Variants in SON observed in about 807,000 individuals in gnomAD.
The protein encoded by SON is SON DNA and RNA binding protein.
SON carries 4 observed loss-of-function variants against 173.3 expected under a neutral mutation model. That is an observed-to-expected ratio of 0.02 (90% CI 0.01 to 0.05). The LOEUF (loss-of-function observed/expected upper bound fraction) is 0.05, where lower values mean the gene tolerates loss of function less well. Among genes scored for constraint, SON ranks in the 10% least tolerant of loss-of-function variants. The probability of loss-of-function intolerance (pLI) is 1.00; values close to 1 mark genes in which losing one functional copy is unlikely to be tolerated. For synonymous variants in SON, 1,190 were observed against 1,105.9 expected (o/e 1.08, Z -1.51); for missense variants, 2,626 against 3,055.3 (o/e 0.86, Z 3.31).
chr21:33,554,521 G>A lies in SON; in HGVS notation c.5290G>A (p.Asp1764Asn), dbSNP rs755409819. The change falls in exon 3 of 12, where the codon GAC (aspartate) becomes AAC (asparagine). Residue 1764 changes from aspartate to asparagine, a missense_variant. Physicochemically the swap from Asp to Asn is conservative, Grantham distance 23 (BLOSUM62 1). Transcript: ENST00000356577. The part of the protein sequence containing the change: ...GPLLASDVGR[D>N]RSAASPVVSS... ...TTTACTTGCAAGTGATGTTGGACGT[G>A]ACAGATCTGCTGCCAGCCCGGTTGT... The A allele has an allele frequency of 6.8e-6, 11 of 1,613,934 alleles. No individual in the cohort carries two copies. Among genetic ancestry groups the A allele is most frequent in the Admixed American group, 6.7e-5 (4 of 60,002 alleles).
Position 33,561,751 on chromosome 21 carries a change from TGAG to T in SON, c.6657+1980_6657+1982del, listed in dbSNP as rs1437436616. Among the ~76,000 whole-genome samples, 4 of 152,194 alleles carry T rather than the reference TGAG, an allele frequency of 2.6e-5. No homozygotes were observed. In the East Asian group the frequency reaches 7.7e-4, roughly 29 times the overall value. On this transcript the variant is annotated intron_variant, in intron 6 of 11. Transcript: ENST00000356577. ...AAGTTGTCAGATTTTAATTAAAGGT[TGAG>T]GAGAATTATTCTTAAATCTGGTGGG... is the stretch of plus-strand genomic sequence containing the variant.
In SON at chr21:33,559,503, T is replaced by C; in HGVS notation, c.6469-84T>C. 1 of 1,465,826 alleles carries C rather than the reference T, an allele frequency of 6.8e-7. No individual in the cohort carries two copies. The highest frequency in any genetic ancestry group is 9.2e-7 in the Non-Finnish European group (1 of 1,081,920). 90.8% of individuals were successfully genotyped at this position (1,465,826 alleles called of 1,614,324 possible). ...TGTGAGAAATAATGGATAATATCAT[T>C]TCCTTCAGATTATGTAGAAAATCTC... On this transcript the variant is annotated intron_variant, in intron 5 of 11. Transcript: ENST00000356577. The surrounding 1 kb of genome is among the most constrained non-coding windows in gnomAD (Gnocchi z 4.1).
At chr21:33,562,767 A>G (rs1287795258) in intron 6 of SON, among the ~76,000 whole-genome samples, 1 of 152,212 alleles carries the variant, frequency 6.6e-6, no homozygotes, top group East Asian at 1.9e-4. Context: ...CTAATATTTT[A>G]AAAATAGTCC....
rs753464324 is a variant in SON at position 33,576,536 on chromosome 21, T to C, written c.*112T>C. 5.1e-6 allele frequency: 4 copies of C among 789,610 alleles called. No homozygotes were observed. The highest frequency in any genetic ancestry group is 5.1e-5 in the African/African-American group (3 of 59,232). 48.9% of individuals were successfully genotyped at this position (789,610 alleles called of 1,614,324 possible). Reference sequence around the variant, plus strand: ...ATGGGCCTTGTACCAAAGGACCTCATGGCTAATGCCACTTGCTTCAGGAGT... The same window carrying C: ...ATGGGCCTTGTACCAAAGGACCTCACGGCTAATGCCACTTGCTTCAGGAGT... On this transcript the variant is annotated 3_prime_UTR_variant, in exon 12 of 12. Transcript: ENST00000356577.
intron 8 of SON, chr21:33,572,137 ACT>A (rs755858171): frequency 8.7e-5 from 13 of 149,352 alleles, no homozygotes; most frequent in African/African-American, 1.5e-4. Flanking sequence ...AAGTTTTTTT[ACT>A]CTCTCTGTTG....
At chr21:33,546,179 A>G in intron 1 of SON, 34 bp from the exon 2 acceptor site, 1 of 1,562,944 alleles carries the variant, frequency 6.4e-7, no homozygotes, top group Admixed American at 1.9e-5. Flanking sequence ...GTATGATAAA[A>G]TATTAATGAA....
intron 6 of SON, among the ~76,000 whole-genome samples, chr21:33,566,362 C>T (rs1006149235): frequency 2.0e-5 from 3 of 151,938 alleles, no homozygotes; most frequent in African/African-American, 7.2e-5. Flanking sequence ...TGTGGTTAAA[C>T]CTTCCACAAA....
chr21:33,556,982 A>G (rs2085979956), intron 3 of SON, among the ~76,000 whole-genome samples, 174 bp from the exon 4 acceptor site: 1 of 150,880 alleles, frequency 6.6e-6, no homozygotes, highest in Non-Finnish European at 1.5e-5. Flanking sequence ...GCTGTAACTT[A>G]GAGCAGAATA....
rs777099140 is a variant in SON at position 33,573,458 on chromosome 21, AAC to A, written c.7033+5_7033+6del. On this transcript the variant is annotated splice_donor_5th_base_variant and intron_variant, in intron 9 of 11. Transcript: ENST00000356577. ...TGATTTTAAGACAGACCGAAAAGGTAACAAGTTCTTTTTTGGAATGTTTATTA... is the reference window on the plus strand; with the variant it reads ...TGATTTTAAGACAGACCGAAAAGGTAAAGTTCTTTTTTGGAATGTTTATTA... 18 of 1,605,780 alleles carry A rather than the reference AAC, an allele frequency of 1.1e-5. No individual in the cohort carries two copies.
rs771474434 is a variant in SON at position 33,555,136 on chromosome 21, C to T, written c.5905C>T (p.Arg1969Cys). ...CAGCCGCCGCAGCCGCACCCCCAGCCGCCGCAGCCGCACCCCCAGCCGCCG... is the reference window on the plus strand; with the variant it reads ...CAGCCGCCGCAGCCGCACCCCCAGCTGCCGCAGCCGCACCCCCAGCCGCCG... ...TPSRRSRTPSRRSRTPSRRSR... is the reference protein window; with the variant it reads ...TPSRRSRTPSCRSRTPSRRSR... Residue 1969 changes from arginine to cysteine, a missense_variant, in exon 3 of 12, where the codon CGC (arginine) becomes TGC (cysteine). Around this residue, in one of 13 missense-constraint regions of SON, gnomAD observed 138 missense variants for 222.9 expected, o/e 0.62. Transcript: ENST00000356577. 9.5e-6 allele frequency: 14 copies of T among 1,472,740 alleles called. No homozygotes were observed. The highest frequency in any genetic ancestry group is 5.2e-5 in the South Asian group (4 of 76,526). The allele number at this position is 1,472,740 out of a possible 1,614,324, so 91.2% of individuals were successfully genotyped here.
chr21:33,566,693 G>C (rs368706246), intron 6 of SON, among the ~76,000 whole-genome samples: 1 of 152,238 alleles, frequency 6.6e-6, no homozygotes, highest in East Asian at 1.9e-4. Context: ...AGTGATCATA[G>C]TGGTTTTCTG....
intron 1 of SON, chr21:33,543,544 C>CT (rs2085521872): frequency 2.0e-5 from 2 of 99,362 alleles, no homozygotes; most frequent in African/African-American, 8.5e-4. Flanking sequence ...CTCCCCCTCT[C>CT]GCCTCCGCGG....
In SON at chr21:33,556,479, G is replaced by A. The variant is rs933570892; in HGVS notation, c.6161-677G>A. On this transcript the variant is annotated intron_variant, in intron 3 of 11. Transcript: ENST00000356577. ...TGTAATCCCAGCACTTTGGGAGGCCGAGGCAGGTGGATCACCTGAGGTCAG... is the reference window on the plus strand; with the variant it reads ...TGTAATCCCAGCACTTTGGGAGGCCAAGGCAGGTGGATCACCTGAGGTCAG... Among the ~76,000 whole-genome samples, 5 of 152,020 alleles carry A rather than the reference G, an allele frequency of 3.3e-5. No individual in the cohort carries two copies. In the East Asian group the frequency reaches 9.6e-4, roughly 29 times the overall value.
At chr21:33,575,558 G>A in intron 9 of SON, 38 bp from the exon 10 acceptor site, 1 of 1,501,758 alleles carries the variant, frequency 6.7e-7, no homozygotes, top group Non-Finnish European at 9.2e-7. Flanking sequence ...TTAAAGTGGT[G>A]CTTTGAAATT....
At position 33,553,227 on chromosome 21, in the gene SON, A is replaced by G. The variant is rs564121685; in HGVS notation, c.3996A>G (p.Pro1332=). The change falls in exon 3 of 12, where the codon CCA becomes CCG. Residue 1332 remains proline, a synonymous_variant. Transcript: ENST00000356577. ...ASEVSTSLLV[P]AVTTPVLAES... is the part of the protein sequence containing the mutation. The stretch of plus-strand genomic sequence containing the variant: ...AAGTATCTACATCCTTGTTGGTTCC[A>G]GCAGTAACTACTCCAGTGCTGGCAG... 6.2e-7 allele frequency: 1 copy of G among 1,614,186 alleles called. No homozygotes were observed. The highest frequency in any genetic ancestry group is 2.2e-5 in the East Asian group (1 of 44,890).
rs762300554 is a variant in SON, at chr21:33,550,463, C to T, written c.1232C>T (p.Thr411Ile). 1.7e-5 allele frequency: 28 copies of T among 1,613,894 alleles called. No homozygotes were observed. Among genetic ancestry groups the T allele is most frequent in the East Asian group, 2.2e-5 (1 of 44,876 alleles). ...PVLELPGPSA[T>I]PVPELPGPLS... ...CTGGAGTTACCTGGGCCCTCTGCTA[C>T]CCCGGTGCCAGAGTTGCCAGGGCCC... The change falls in exon 3 of 12, where the codon ACC (threonine) becomes ATC (isoleucine). Residue 411 changes from threonine to isoleucine, a missense_variant. This residue lies in a region of SON where 757 missense variants were observed against 730.1 expected (regional missense o/e 1.04). Transcript: ENST00000356577.
rs149343017 is a variant in SON at position 33,550,238 on chromosome 21, C to T, written c.1007C>T (p.Ala336Val). 555 of 1,614,246 alleles carry T rather than the reference C, an allele frequency of 3.4e-4. No individual in the cohort carries two copies. The African/African-American group carries it at 5.4e-3, about 16-fold the overall frequency. ...MDFPESSAIE[A>V]LRLPEQPVDV... Reference sequence around the variant, plus strand: ...TTTCCAGAGTCATCTGCAATTGAAGCGCTAAGATTGCCAGAGCAGCCTGTA... The same window carrying T: ...TTTCCAGAGTCATCTGCAATTGAAGTGCTAAGATTGCCAGAGCAGCCTGTA... Residue 336 changes from alanine to valine, a missense_variant, in exon 3 of 12, where the codon GCG (alanine) becomes GTG (valine). Ala to Val is a moderately conservative substitution (Grantham distance 64). This residue lies in a region of SON where 757 missense variants were observed against 730.1 expected (regional missense o/e 1.04). Coordinates refer to ENST00000356577, the MANE Select transcript of SON (RefSeq NM_138927.4).
intron 4 of SON, chr21:33,557,598 G>A (rs938428893): frequency 2.6e-6 from 4 of 1,550,136 alleles, no homozygotes; most frequent in Non-Finnish European, 2.6e-6. Flanking sequence ...AATGGAGGAG[G>A]TGTTGAGTGA....
At position 33,553,133 on chromosome 21, in the gene SON, A is replaced by C; in HGVS notation, c.3902A>C (p.Glu1301Ala). 6.2e-7 allele frequency: 1 copy of C among 1,614,206 alleles called. No individual in the cohort carries two copies. Among genetic ancestry groups the C allele is most frequent in the Non-Finnish European group, 8.5e-7 (1 of 1,180,042 alleles). Residue 1301 changes from glutamate to alanine, a missense_variant, in exon 3 of 12, where the codon GAG becomes GCG. Transcript: ENST00000356577. Reference protein sequence around the residue: ...MSAEPTVLASEPPVMSETAET... With the variant: ...MSAEPTVLASAPPVMSETAET... ...GCTGAACCAACTGTGTTAGCATCAG[A>C]GCCTCCTGTTATGTCAGAGACAGCA...
Sources: gnomAD v4.1 joint callset for allele counts (sites outside exome capture counted in the v4.1 genomes callset) on GRCh38, gnomAD v4.1.1 for gene constraint, gnomAD v4.1.1 regional missense constraint, Gnocchi (gnomAD v3.1) non-coding constraint, MANE v1.5 for transcripts, NCBI Gene and HGNC (gene_info 2026-07-23, HGNC 2026-07-21) for gene names.